Variants in CCT3 observed in about 807,000 individuals in gnomAD.
CCT3 encodes chaperonin containing TCP1 subunit 3.
A neutral mutation model predicts 65.3 loss-of-function variants in CCT3; 10 were observed. The ratio of observed to expected loss-of-function variants is 0.15; its 90% CI spans 0.09 to 0.26. The LOEUF is 0.26. Among genes scored for constraint, CCT3 ranks in the 10% least tolerant of loss-of-function variants. The pLI is 1.00. For missense variants in CCT3, 626 were observed against 708.7 expected, an observed-to-expected ratio of 0.88 and a Z score of 1.33; for synonymous variants, 225 against 242.3, an observed-to-expected ratio of 0.93 and a Z score of 0.66.
chr1:156,335,792 G>C (rs1488776296), intron 2 of CCT3, 35 bp downstream of exon 2: 1 of 1,581,388 alleles, frequency 6.3e-7, no homozygotes, highest in Non-Finnish European at 8.7e-7. Context: ...GATAGCTGGA[G>C]GCAAACTACC....
intron 5 of CCT3, among the ~76,000 whole-genome samples, chr1:156,332,043 A>G (rs113583482): frequency 2.7e-5 from 4 of 149,840 alleles, no homozygotes; most frequent in African/African-American, 2.4e-5. Context: ...AAAAAAAAAA[A>G]GAGACATGGT....
At chr1:156,335,623 C>T (rs1020181810) in intron 2 of CCT3, 20 of 518,664 alleles carry the variant, frequency 3.9e-5, no homozygotes, top group East Asian at 6.0e-5. Flanking sequence ...CAAGTTAATA[C>T]GAGAAGATTA....
At chr1:156,318,737 A>G in intron 8 of CCT3, 131 bp downstream of exon 8, 1 of 766,254 alleles carries the variant, frequency 1.3e-6, no homozygotes, top group Non-Finnish European at 2.0e-6. Flanking sequence ...ACTATTCTAA[A>G]GGATTGTTCT....
chr1:156,328,870 A>T (rs1664979227), intron 5 of CCT3, among the ~76,000 whole-genome samples: 1 of 151,478 alleles, frequency 6.6e-6, no homozygotes, highest in South Asian at 2.1e-4. Flanking sequence ...AAAAATAAAA[A>T]AAAAAAATGT....
Position 156,317,203 on chromosome 1 carries a change from G to A in CCT3, c.937C>T (p.Arg313Cys), listed in dbSNP as rs150397752. The change falls in exon 10 of 14, where the codon CGC (arginine) becomes TGC (cysteine). Residue 313 changes from arginine (R) to cysteine (C), a missense_variant. Arg to Cys is a radical substitution (Grantham distance 180). Coordinates refer to ENST00000295688, the MANE Select transcript of CCT3 (RefSeq NM_005998.5). ...TTATTGTCTGTCTTCCGGACTCTGC[G>A]GATGGCTGTGATATTGGCCCGCATA... Reference protein sequence around the residue: ...YLMRANITAIRRVRKTDNNRI... With the variant: ...YLMRANITAICRVRKTDNNRI... The A allele has an allele frequency of 6.8e-6, 11 of 1,614,134 alleles. No individual in the cohort carries two copies. Among genetic ancestry groups the A allele is most frequent in the East Asian group, 2.2e-5 (1 of 44,890 alleles).
At chr1:156,322,392 G>T (rs577377735) in intron 6 of CCT3, among the ~76,000 whole-genome samples, 1 of 152,074 alleles carries the variant, frequency 6.6e-6, no homozygotes, top group Non-Finnish European at 1.5e-5. Context: ...AGCTACTTGG[G>T]AGGCTGAGAC....
intron 10 of CCT3, among the ~76,000 whole-genome samples, chr1:156,315,339 G>C (rs760841448): frequency 1.5e-4 from 23 of 152,122 alleles, no homozygotes; most frequent in Non-Finnish European, 2.6e-4. Flanking sequence ...CTCCCGAGTA[G>C]CTGGGATTAC....
In CCT3 at chr1:156,320,905, C is replaced by T; in HGVS notation, c.543G>A (p.Lys181=). 6.2e-7 allele frequency: 1 copy of T among 1,614,014 alleles called. No individual in the cohort carries two copies. Among genetic ancestry groups the T allele is most frequent in the Non-Finnish European group, 8.5e-7 (1 of 1,179,886 alleles). The change falls in exon 7 of 14, where the codon AAG becomes AAA. Residue 181 remains lysine (K), a synonymous_variant. Transcript: ENST00000295688. The part of the protein sequence containing the change: ...LACNIALDAV[K]MVQFEENGRK... ...GACCATTCTCCTCAAACTGTACCAT[C>T]TTGACAGCATCCAGGGCAATGTTGC...
Position 156,318,938 on chromosome 1 carries a change from C to T in CCT3, c.689G>A (p.Arg230Gln), listed in dbSNP as rs371400205. ...INKDVTHPRMRRYIKNPRIVL... is the reference protein window; with the variant it reads ...INKDVTHPRMQRYIKNPRIVL... ...AATGCGAGGGTTCTTGATATAGCGC[C>T]GCATACGTGGATGGGTCACATCCTT... is the stretch of plus-strand genomic sequence containing the variant. The change falls in exon 8 of 14, where the codon CGG becomes CAG. Residue 230 changes from arginine to glutamine, a missense_variant. By Grantham distance (43) the Arg-to-Gln change is conservative. Transcript: ENST00000295688. 3.7e-5 allele frequency: 59 copies of T among 1,613,950 alleles called. No homozygotes were observed. The highest frequency in any genetic ancestry group is 3.6e-4 in the South Asian group (33 of 91,088).
rs553786728 is a variant in CCT3, at chr1:156,331,759, C to T, written c.304+1788G>A. ...TTAAAATAGTCCCTCTCAGGCCAGG[C>T]GTGGTGGCTTACACCTATTATCCCA... On this transcript the variant is annotated intron_variant, in intron 5 of 13. Coordinates refer to ENST00000295688, the MANE Select transcript of CCT3 (RefSeq NM_005998.5). Among the ~76,000 whole-genome samples, 12 of 152,100 alleles carry T rather than the reference C, an allele frequency of 7.9e-5. No homozygotes were observed. The Middle Eastern group carries it at 0.014, about 172-fold the overall frequency.
At chr1:156,315,941 CCA>C (rs1664292893) in intron 10 of CCT3, among the ~76,000 whole-genome samples, 1 of 151,676 alleles carries the variant, frequency 6.6e-6, no homozygotes, top group Admixed American at 6.6e-5. Flanking sequence ...TAGATATAAC[CCA>C]TCCTGTACTG....
chr1:156,328,234 G>T (rs1377003988), intron 5 of CCT3, among the ~76,000 whole-genome samples: 1 of 136,018 alleles, frequency 7.4e-6, no homozygotes, highest in African/African-American at 2.6e-5. Context: ...GAGGGAGGTA[G>T]GGGGGTCAGC....
intron 8 of CCT3, 35 bp downstream of exon 8, chr1:156,318,833 G>A (rs369308502): frequency 1.3e-6 from 2 of 1,591,632 alleles, no homozygotes; most frequent in African/African-American, 1.4e-5. Context: ...TCAGATTCTT[G>A]CATCTACTTT....
At chr1:156,321,164 G>GCTATACTACTAAACTTTTGGATCTTAAT in intron 6 of CCT3, 139 bp from the exon 7 acceptor site, 1 of 654,308 alleles carries the variant, frequency 1.5e-6, no homozygotes. Context: ...GAAACTAAAA[G>GCTATACTACTAAACTTTTGGATCTTAAT]GACATTAGGA....
Position 156,325,911 on chromosome 1 carries a change from C to T in CCT3, c.305-822G>A, listed in dbSNP as rs1325097540. Among the ~76,000 whole-genome samples, 5 of 151,192 alleles carry T rather than the reference C, an allele frequency of 3.3e-5. No individual in the cohort carries two copies. In the East Asian group the frequency reaches 9.9e-4, roughly 30 times the overall value. ...TCTTGATCTTTCTAAAAAAAAATTT[C>T]CCTGAAGGCTCTAAAATAAAGAAAA... On this transcript the variant is annotated intron_variant, in intron 5 of 13. Coordinates refer to ENST00000295688, the MANE Select transcript of CCT3 (RefSeq NM_005998.5).
chr1:156,324,925 C>A, intron 6 of CCT3, 47 bp downstream of exon 6: 1 of 1,288,562 alleles, frequency 7.8e-7, no homozygotes, highest in Non-Finnish European at 1.1e-6. Context: ...CCACGTCTAG[C>A]CAGGCCTCTC....
chr1:156,327,462 C>T lies in CCT3; in HGVS notation c.305-2373G>A, dbSNP rs925093846. 1.1e-4 allele frequency among the ~76,000 whole-genome samples: 17 copies of T among 152,242 alleles called. No individual in the cohort carries two copies. The East Asian group carries it at 1.4e-3, about 12-fold the overall frequency. On this transcript the variant is annotated intron_variant, in intron 5 of 13. Transcript: ENST00000295688. ...CGCGCCGCCACGCCTGACTGGTTTTCGTATTTTTTTGGTGGAGACGGGGTT... is the reference window on the plus strand; with the variant it reads ...CGCGCCGCCACGCCTGACTGGTTTTTGTATTTTTTTGGTGGAGACGGGGTT...
chr1:156,335,059 T>TG (rs1665277371), intron 2 of CCT3, 141 bp from the exon 3 acceptor site: 1 of 677,538 alleles, frequency 1.5e-6, no homozygotes, highest in Non-Finnish European at 2.4e-6. Flanking sequence ...TTTTTAGATA[T>TG]GGGGTCTCAC....
chr1:156,323,083 G>A (rs1018830798), intron 6 of CCT3, among the ~76,000 whole-genome samples: 8 of 152,028 alleles, frequency 5.3e-5, no homozygotes, highest in African/African-American at 1.9e-4. Context: ...AAGGTGGGTG[G>A]ATCACCTGAG....
Sources: allele counts gnomAD v4.1 joint callset (sites outside exome capture counted in the v4.1 genomes callset), GRCh38; gene constraint gnomAD v4.1.1; transcripts MANE v1.5; gene names NCBI Gene and HGNC (gene_info 2026-07-23, HGNC 2026-07-21).